CLCN5: variants seen among roughly 807,000 people sequenced by gnomAD.
CLCN5 encodes the protein Cl-/H+ antiporter 5, also known as H(+)/Cl(-) exchange transporter 5.
A neutral mutation model predicts 54.0 loss-of-function variants in CLCN5; 17 were observed. The observed-to-expected ratio is 0.31, with a 90% CI of 0.22 to 0.47. The LOEUF (loss-of-function observed/expected upper bound fraction) is 0.47, where lower values mean the gene tolerates loss of function less well. CLCN5 is among the 20% of genes least tolerant of loss of function. The pLI, the probability that CLCN5 is intolerant of heterozygous loss-of-function variation, is 1.00. For missense variants in CLCN5, 448 were observed against 646.7 expected (o/e 0.69, Z 3.33); for synonymous variants, 222 against 233.0 (o/e 0.95, Z 0.43).
intron 6 of CLCN5, among the ~76,000 whole-genome samples, chrX:50,073,586 ATGC>A (rs782221895): frequency 8.9e-6 from 1 of 112,043 alleles, no homozygotes; most frequent in Middle Eastern, 4.2e-3. Context: ...ACAGTTGTTA[ATGC>A]TGCTGCTGCT....
At chrX:49,930,564 G>A (rs73487894) in intron 3 of CLCN5, among the ~76,000 whole-genome samples, 1,632 of 111,271 alleles carry the variant, frequency 0.015, 30 homozygotes, top group African/African-American at 0.049. Context: ...CCAGGGGTCA[G>A]GGAGTGGGGG....
At chrX:49,956,254 G>A (rs138852820) in intron 3 of CLCN5, among the ~76,000 whole-genome samples, 1,374 of 111,822 alleles carry the variant, frequency 0.012, 16 homozygotes, top group African/African-American at 0.042. Context: ...AGTGGCCTTA[G>A]CAGGTGATTG....
At chrX:50,039,856 C>G (rs963250140) in intron 3 of CLCN5, among the ~76,000 whole-genome samples, 1 of 110,670 alleles carries the variant, frequency 9.0e-6, no homozygotes, top group Non-Finnish European at 1.9e-5. Context: ...CCACGCCTGG[C>G]TAATTTTTGT....
chrX:49,955,240 GGACT>G (rs1557173772), intron 3 of CLCN5, among the ~76,000 whole-genome samples: 1 of 111,528 alleles, frequency 9.0e-6, no homozygotes, highest in Non-Finnish European at 1.9e-5. Flanking sequence ...CTCGTCTTGT[GGACT>G]GACTGTTGCC....
intron 3 of CLCN5, among the ~76,000 whole-genome samples, chrX:49,983,807 A>G (rs1928860167): frequency 9.1e-6 from 1 of 109,828 alleles, no homozygotes; most frequent in African/African-American, 3.3e-5. Context: ...TGGGAATGCA[A>G]TAGATTTTTG....
intron 4 of CLCN5, among the ~76,000 whole-genome samples, chrX:50,068,686 A>T: frequency 9.0e-6 from 1 of 110,788 alleles, no homozygotes; most frequent in East Asian, 2.9e-4. Flanking sequence ...GAAGATGGGG[A>T]TGCAGATGGG....
At chrX:50,006,478 A>G (rs781976430) in intron 3 of CLCN5, among the ~76,000 whole-genome samples, 1 of 111,769 alleles carries the variant, frequency 8.9e-6, no homozygotes, top group Non-Finnish European at 1.9e-5. Flanking sequence ...TGGGGATCCA[A>G]TAGTGGCAAG....
At chrX:50,060,387 A>T (rs1384773786) in intron 4 of CLCN5, among the ~76,000 whole-genome samples, 1 of 109,401 alleles carries the variant, frequency 9.1e-6, no homozygotes, top group Admixed American at 9.6e-5. Flanking sequence ...AGTCAAAGAA[A>T]GGGGTGACGG....
chrX:49,945,972 G>A (rs1926715265), intron 3 of CLCN5, among the ~76,000 whole-genome samples: 1 of 108,503 alleles, frequency 9.2e-6, no homozygotes, highest in South Asian at 4.1e-4. Flanking sequence ...GCCCAGGCTG[G>A]TCTTGAACTC....
chrX:49,977,826 A>C (rs782743776), intron 3 of CLCN5, among the ~76,000 whole-genome samples: 1 of 111,777 alleles, frequency 8.9e-6, no homozygotes, highest in South Asian at 3.8e-4. Flanking sequence ...GGTGGTGGGC[A>C]GGGCTGGGCT....
At position 49,925,361 on chromosome X, in the gene CLCN5, T is replaced by C. The variant is rs782707533; in HGVS notation, c.16+47T>C. 6.1e-6 allele frequency: 7 copies of C among 1,150,505 alleles called. No homozygotes were observed. The Admixed American group carries it at 1.5e-4, about 25-fold the overall frequency. 94.8% of individuals were successfully genotyped at this position (1,150,505 alleles called of 1,213,427 possible). A position where few individuals can be genotyped will look rare whatever the true frequency, so the allele number is the denominator to read the frequency against. On this transcript the variant is annotated intron_variant, in intron 3 of 14. Transcript: ENST00000376091. ...TTCTAACTGGTTTTTCCTCCTACTCTATTCTCTACCCTCACCCAACCGTTC... is the reference window on the plus strand; with the variant it reads ...TTCTAACTGGTTTTTCCTCCTACTCCATTCTCTACCCTCACCCAACCGTTC...
intron 3 of CLCN5, among the ~76,000 whole-genome samples, chrX:50,033,132 A>G (rs1414152227): frequency 9.1e-6 from 1 of 110,310 alleles, no homozygotes; most frequent in Admixed American, 9.7e-5. Flanking sequence ...CTCTCTCACC[A>G]CTCCTATTCA....
intron 3 of CLCN5, among the ~76,000 whole-genome samples, chrX:49,962,386 A>G (rs1417687786): frequency 1.8e-5 from 2 of 111,582 alleles, no homozygotes; most frequent in Non-Finnish European, 3.8e-5. Flanking sequence ...TTTCTTATCA[A>G]TGATGCTTCA....
At chrX:50,060,204 G>C (rs943272967) in intron 4 of CLCN5, among the ~76,000 whole-genome samples, 4 of 110,475 alleles carry the variant, frequency 3.6e-5, no homozygotes, top group Admixed American at 9.7e-5. Flanking sequence ...CAGCGTGAGC[G>C]ACGCAGAAGA....
intron 3 of CLCN5, among the ~76,000 whole-genome samples, chrX:50,012,906 G>T (rs953248596): frequency 7.2e-5 from 8 of 111,723 alleles, no homozygotes; most frequent in African/African-American, 2.6e-4. Flanking sequence ...CTAGTCAGGT[G>T]AAGGGTGGAA....
At chrX:50,054,787 A>G (rs1475788575) in intron 4 of CLCN5, among the ~76,000 whole-genome samples, 2 of 112,066 alleles carry the variant, frequency 1.8e-5, no homozygotes, top group East Asian at 5.6e-4. Flanking sequence ...GGTGAGAGCA[A>G]TAACTTCTAA....
chrX:49,946,410 A>G (rs911127154), intron 3 of CLCN5, among the ~76,000 whole-genome samples: 4 of 111,085 alleles, frequency 3.6e-5, no homozygotes, highest in African/African-American at 9.8e-5. Context: ...TTCCAAGCTC[A>G]TGTGATTGTT....
intron 3 of CLCN5, among the ~76,000 whole-genome samples, chrX:49,987,036 T>C (rs1213599724): frequency 8.9e-6 from 1 of 112,488 alleles, no homozygotes; most frequent in Non-Finnish European, 1.9e-5. Flanking sequence ...GAAAAATGCA[T>C]GGCATGTTCA....
intron 3 of CLCN5, among the ~76,000 whole-genome samples, chrX:50,031,292 A>G (rs1264562940): frequency 8.9e-6 from 1 of 111,920 alleles, no homozygotes; most frequent in Non-Finnish European, 1.9e-5. Flanking sequence ...GCGAATTTAC[A>G]GAAAATATTA....
Sources: allele counts gnomAD v4.1 joint callset (sites outside exome capture counted in the v4.1 genomes callset), GRCh38; gene constraint gnomAD v4.1.1; transcripts MANE v1.5; gene names NCBI Gene and HGNC (gene_info 2026-07-23, HGNC 2026-07-21).